Variants in NTM observed in about 807,000 individuals in gnomAD.
The protein encoded by NTM is neurotrimin, also known as IgLON family member 2.
Under a neutral mutation model 42.1 loss-of-function variants are expected in NTM, and 13 were observed. The ratio of observed to expected loss-of-function variants is 0.31; its 90% CI spans 0.20 to 0.49. NTM has a LOEUF of 0.49. Among genes scored for constraint, NTM ranks in the 20% least tolerant of loss-of-function variants. The pLI, the probability that NTM is intolerant of heterozygous loss-of-function variation, is 0.99. For missense variants in NTM, 373 were observed against 452.8 expected (o/e 0.82, Z 1.60); for synonymous variants, 187 against 179.2 (o/e 1.04, Z -0.35).
chr11:131,523,847 A>G (rs2050099625), intron 1 of NTM, among the ~76,000 whole-genome samples: 1 of 151,644 alleles, frequency 6.6e-6, no homozygotes, highest in Non-Finnish European at 1.5e-5. Flanking sequence ...ACATTAAGGT[A>G]TATCTGGAAG....
At chr11:131,565,200 G>A (rs779713980) in intron 1 of NTM, among the ~76,000 whole-genome samples, 19 of 152,274 alleles carry the variant, frequency 1.2e-4, no homozygotes, top group Admixed American at 3.9e-4. Context: ...ACCCTTCACC[G>A]CCTCTCCAGG....
intron 1 of NTM, among the ~76,000 whole-genome samples, chr11:131,640,043 A>C (rs1347940830): frequency 6.6e-6 from 1 of 152,190 alleles, no homozygotes; most frequent in East Asian, 1.9e-4. Flanking sequence ...GGTTCTATTG[A>C]GCTAGGAAGA....
chr11:131,691,442 C>T (rs943631667), intron 1 of NTM, among the ~76,000 whole-genome samples: 1 of 152,148 alleles, frequency 6.6e-6, no homozygotes, highest in Non-Finnish European at 1.5e-5. Context: ...CCAGGCTGGC[C>T]GAGCCGAGAG....
chr11:131,597,628 G>A (rs1354427491), intron 1 of NTM, among the ~76,000 whole-genome samples: 1 of 152,176 alleles, frequency 6.6e-6, no homozygotes, highest in Non-Finnish European at 1.5e-5. Flanking sequence ...TGAGGGCAAT[G>A]GTCCTGTCCC....
intron 1 of NTM, among the ~76,000 whole-genome samples, chr11:131,547,068 A>G (rs562172748): frequency 6.6e-6 from 1 of 152,174 alleles, no homozygotes; most frequent in South Asian, 2.1e-4. Context: ...ACAGAACCAG[A>G]TCCATGCACA....
intron 1 of NTM, among the ~76,000 whole-genome samples, chr11:131,371,890 C>A (rs1818335549): frequency 6.6e-6 from 1 of 152,228 alleles, no homozygotes; most frequent in Non-Finnish European, 1.5e-5. Flanking sequence ...CCCAGCAGGG[C>A]TCCGGGAGGA....
At chr11:131,770,636 AGCTCCCACGT>A (rs1282758815) in intron 1 of NTM, among the ~76,000 whole-genome samples, 1 of 152,196 alleles carries the variant, frequency 6.6e-6, no homozygotes, top group Non-Finnish European at 1.5e-5. Context: ...TGAAGATGAT[AGCTCCCACGT>A]GCAGAAATCC....
intron 1 of NTM, among the ~76,000 whole-genome samples, chr11:131,526,088 A>C (rs902875177): frequency 1.3e-5 from 2 of 152,208 alleles, no homozygotes; most frequent in Non-Finnish European, 2.9e-5. Flanking sequence ...TCCTCACAAC[A>C]GTGCCATTAG....
chr11:132,185,275 G>A (rs2078223820), intron 3 of NTM, among the ~76,000 whole-genome samples: 1 of 152,134 alleles, frequency 6.6e-6, no homozygotes, highest in African/African-American at 2.4e-5. Context: ...ACACACAAGC[G>A]AATATCCAAA....
intron 1 of NTM, among the ~76,000 whole-genome samples, chr11:131,430,266 C>A (rs1948545801): frequency 6.6e-6 from 1 of 152,136 alleles, no homozygotes; most frequent in Non-Finnish European, 1.5e-5. Flanking sequence ...ATAGGTAGTT[C>A]TTTGAGAAAA....
chr11:131,972,644 G>A (rs945207683), intron 2 of NTM, among the ~76,000 whole-genome samples: 1 of 152,116 alleles, frequency 6.6e-6, no homozygotes, highest in East Asian at 1.9e-4. Context: ...TTTCTGCTTT[G>A]GCCTCCACAT....
chr11:131,525,149 C>A (rs890458697), intron 1 of NTM, among the ~76,000 whole-genome samples: 1 of 152,068 alleles, frequency 6.6e-6, no homozygotes, highest in East Asian at 1.9e-4. Context: ...AGGGACATGG[C>A]CCCAGAGAGG....
intron 1 of NTM, among the ~76,000 whole-genome samples, chr11:131,777,476 C>T (rs1003575543): frequency 5.3e-5 from 6 of 113,206 alleles, no homozygotes; most frequent in Non-Finnish European, 8.2e-5. Context: ...TGTGAGTCTA[C>T]CTGGAAGCAT....
chr11:132,014,564 A>G (rs1237963085), intron 2 of NTM, among the ~76,000 whole-genome samples: 1 of 151,798 alleles, frequency 6.6e-6, no homozygotes, highest in Non-Finnish European at 1.5e-5. Context: ...TGTCTTTTTG[A>G]TAATAACCAT....
chr11:132,244,562 C>G (rs1420793370), intron 4 of NTM, among the ~76,000 whole-genome samples: 1 of 152,222 alleles, frequency 6.6e-6, no homozygotes, highest in African/African-American at 2.4e-5. Context: ...CACTTTATCT[C>G]TCTCTGGCTC....
At chr11:131,837,803 A>T (rs1454690783) in intron 1 of NTM, among the ~76,000 whole-genome samples, 2 of 152,104 alleles carry the variant, frequency 1.3e-5, no homozygotes, top group Non-Finnish European at 2.9e-5. Context: ...CCTCACCTGG[A>T]GATGTGGCTC....
intron 1 of NTM, among the ~76,000 whole-genome samples, chr11:131,497,467 T>C (rs555496285): frequency 2.6e-4 from 39 of 152,046 alleles, no homozygotes; most frequent in African/African-American, 8.0e-4. Context: ...GATTACAGAC[T>C]TGAGCCACCG....
intron 1 of NTM, among the ~76,000 whole-genome samples, chr11:131,676,010 G>A (rs1359774657): frequency 6.6e-6 from 1 of 152,158 alleles, no homozygotes. Context: ...TGGACCAATG[G>A]TTTCACCCTT....
At chr11:131,591,333 C>T (rs1362530271) in intron 1 of NTM, among the ~76,000 whole-genome samples, 1 of 152,182 alleles carries the variant, frequency 6.6e-6, no homozygotes, top group East Asian at 1.9e-4. Flanking sequence ...CAGAGACAAG[C>T]TGTGCTGTGC....
Sources: gnomAD v4.1 joint callset for allele counts (sites outside exome capture counted in the v4.1 genomes callset) on GRCh38, gnomAD v4.1.1 for gene constraint, MANE v1.5 for transcripts, NCBI Gene and HGNC (gene_info 2026-07-23, HGNC 2026-07-21) for gene names.